The following CALN1 variants were observed in gnomAD, a reference collection of about 807,000 sequenced individuals.
CALN1 encodes the protein calcium-binding protein 8.
CALN1 carries 17 observed loss-of-function variants against 30.6 expected under a neutral mutation model. The observed-to-expected ratio is 0.56, with a 90% CI of 0.38 to 0.83. The LOEUF is 0.83. CALN1 is among the 40% of genes least tolerant of loss of function. The probability of loss-of-function intolerance (pLI) is 0.00; values close to 1 mark genes in which losing one functional copy is unlikely to be tolerated. For missense variants in CALN1, 291 were observed against 354.9 expected (o/e 0.82, Z 1.45); for synonymous variants, 156 against 131.4 (o/e 1.19, Z -1.28).
intron 5 of CALN1, among the ~76,000 whole-genome samples, chr7:71,831,666 A>G (rs1269976057): frequency 1.3e-5 from 2 of 151,590 alleles, no homozygotes; most frequent in African/African-American, 4.8e-5. Flanking sequence ...TGGGCGGATC[A>G]CTTGAGCTCA....
In CALN1 at chr7:72,347,310, TGATCTCAGCTCACTGCAGC is replaced by T. The variant is rs1196759978; in HGVS notation, c.119+55922_119+55940del. On this transcript the variant is annotated intron_variant, in intron 2 of 6. Transcript: ENST00000395275. ...TTGCCCAGGCTGGAGTGCAATGCCGTGATCTCAGCTCACTGCAGCGATCTCAGCTCACTGCAGCCTCTGC... is the reference window on the plus strand; with the variant it reads ...TTGCCCAGGCTGGAGTGCAATGCCGTGATCTCAGCTCACTGCAGCCTCTGC... Among the ~76,000 whole-genome samples, 32 of 151,902 alleles carry T rather than the reference TGATCTCAGCTCACTGCAGC, an allele frequency of 2.1e-4. No individual in the cohort carries two copies. The South Asian group carries it at 3.1e-3, about 15-fold the overall frequency.
At chr7:72,395,943 T>C (rs1292631102) in intron 2 of CALN1, among the ~76,000 whole-genome samples, 2 of 152,016 alleles carry the variant, frequency 1.3e-5, no homozygotes, top group East Asian at 3.9e-4. Context: ...CCTCCAAATA[T>C]ATATATTTTA....
chr7:72,292,476 A>C (rs1798552695), intron 2 of CALN1, among the ~76,000 whole-genome samples: 1 of 148,388 alleles, frequency 6.7e-6, no homozygotes, highest in African/African-American at 2.5e-5. Flanking sequence ...ATCATGACCC[A>C]ATCACCTCTC....
At chr7:72,212,365 A>C (rs1388973832) in intron 3 of CALN1, among the ~76,000 whole-genome samples, 2 of 151,454 alleles carry the variant, frequency 1.3e-5, no homozygotes, top group African/African-American at 2.4e-5. Flanking sequence ...AAAAAAAAAA[A>C]AATACCAGAG....
intron 5 of CALN1, among the ~76,000 whole-genome samples, chr7:71,862,593 G>A (rs1013082164): frequency 3.3e-5 from 5 of 152,182 alleles, no homozygotes; most frequent in South Asian, 2.1e-4. Flanking sequence ...ACCCAGTCTC[G>A]GGTATGTCTT....
At chr7:72,093,566 T>C (rs904904486) in intron 4 of CALN1, among the ~76,000 whole-genome samples, 2 of 152,230 alleles carry the variant, frequency 1.3e-5, no homozygotes, top group African/African-American at 2.4e-5. Flanking sequence ...ACAATAATTA[T>C]TTAAAGTAAG....
chr7:72,040,459 T>C (rs1802058177), intron 4 of CALN1, among the ~76,000 whole-genome samples: 1 of 152,154 alleles, frequency 6.6e-6, no homozygotes, highest in Non-Finnish European at 1.5e-5. Context: ...CACCCCAGTA[T>C]GGGCAACAGA....
intron 5 of CALN1, among the ~76,000 whole-genome samples, chr7:71,840,037 G>GC (rs113648023): frequency 3.9e-5 from 6 of 152,144 alleles, no homozygotes; most frequent in African/African-American, 1.2e-4. Flanking sequence ...TTACTGTTGG[G>GC]CCACAGATTC....
At chr7:71,872,175 A>T (rs1791975334) in intron 5 of CALN1, among the ~76,000 whole-genome samples, 1 of 152,158 alleles carries the variant, frequency 6.6e-6, no homozygotes, top group Non-Finnish European at 1.5e-5. Flanking sequence ...CTGTTTGCAC[A>T]TTTGATCTTC....
chr7:72,441,230 T>C (rs1322177793), intron 1 of CALN1, among the ~76,000 whole-genome samples: 1 of 152,080 alleles, frequency 6.6e-6, no homozygotes, highest in African/African-American at 2.4e-5. Flanking sequence ...GAAGATTCTT[T>C]TTAAGATGAG....
At chr7:72,352,044 C>T (rs1802948354) in intron 2 of CALN1, among the ~76,000 whole-genome samples, 1 of 151,572 alleles carries the variant, frequency 6.6e-6, no homozygotes, top group African/African-American at 2.4e-5. Flanking sequence ...TTTGGGAAGC[C>T]AAGGCAGGCA....
chr7:72,388,512 C>T (rs1469504609), intron 2 of CALN1, among the ~76,000 whole-genome samples: 1 of 152,164 alleles, frequency 6.6e-6, no homozygotes, highest in Admixed American at 6.5e-5. Flanking sequence ...TTAACCGCAG[C>T]ACATGTACCA....
At chr7:71,967,639 A>AAAAAAAAAAG (rs555970609) in intron 5 of CALN1, among the ~76,000 whole-genome samples, 7 of 142,648 alleles carry the variant, frequency 4.9e-5, no homozygotes, top group African/African-American at 1.3e-4. Flanking sequence ...AAAAAAAAAA[A>AAAAAAAAAAG]AAAGAAAGAA....
At chr7:71,915,300 C>G (rs1276460624) in intron 5 of CALN1, among the ~76,000 whole-genome samples, 3 of 152,214 alleles carry the variant, frequency 2.0e-5, no homozygotes, top group African/African-American at 7.2e-5. Context: ...CTCAGTGGGA[C>G]TTTCTTTCGA....
At position 72,111,727 on chromosome 7, in the gene CALN1, C is replaced by T. The variant is rs532220505; in HGVS notation, c.245-5433G>A. On this transcript the variant is annotated intron_variant, in intron 3 of 6. Coordinates refer to ENST00000395275, the MANE Select transcript of CALN1 (RefSeq NM_031468.4). ...CCTCCCAAAGTGCTGGGATTACAGG[C>T]ATGAGCTGGTAACTCTTTTTTCTTT... is the stretch of plus-strand genomic sequence containing the variant. 2.6e-5 allele frequency among the ~76,000 whole-genome samples: 4 copies of T among 151,700 alleles called. No homozygotes were observed. The East Asian group carries it at 7.8e-4, about 30-fold the overall frequency.
chr7:71,827,798 A>ATAAATAAATAAC (rs1789016692), intron 5 of CALN1, among the ~76,000 whole-genome samples: 2 of 151,112 alleles, frequency 1.3e-5, no homozygotes, highest in African/African-American at 4.9e-5. Flanking sequence ...AAATAAATAA[A>ATAAATAAATAAC]TAAATAAATA....
chr7:72,032,052 C>CTTTTT lies in CALN1; in HGVS notation c.389-8288_389-8284dup, dbSNP rs1184047697. ...GTGAGCCACCACACCTGGCTCCTGG[C>CTTTTT]TTTTTTTTTTTTTTTTTTTTTTTTG... On this transcript the variant is annotated intron_variant, in intron 4 of 6. Transcript: ENST00000395275. Among the ~76,000 whole-genome samples, 24 of 66,578 alleles carry CTTTTT rather than the reference C, an allele frequency of 3.6e-4. 2 individuals are homozygous for CTTTTT. The highest frequency in any genetic ancestry group is 8.3e-4 in the East Asian group (2 of 2,420). 43.7% of individuals were successfully genotyped at this position (66,578 alleles called of 152,430 possible). A position where few individuals can be genotyped will look rare whatever the true frequency, so the allele number is the denominator to read the frequency against.
chr7:72,074,863 C>T (rs186863211), intron 4 of CALN1, among the ~76,000 whole-genome samples: 5 of 152,282 alleles, frequency 3.3e-5, no homozygotes, highest in African/African-American at 1.2e-4. Context: ...CCTGGGGAAC[C>T]AAACATAAAT....
chr7:72,218,649 A>G (rs1793032265), intron 3 of CALN1, among the ~76,000 whole-genome samples: 2 of 152,196 alleles, frequency 1.3e-5, no homozygotes, highest in Admixed American at 1.3e-4. Flanking sequence ...TTGCTTTAGT[A>G]TACAATGTCT....
Sources: allele counts gnomAD v4.1 joint callset (sites outside exome capture counted in the v4.1 genomes callset), GRCh38; gene constraint gnomAD v4.1.1; transcripts MANE v1.5; gene names NCBI Gene and HGNC (gene_info 2026-07-23, HGNC 2026-07-21).